The following VEGFC variants were observed in gnomAD, a reference collection of about 807,000 sequenced individuals.
VEGFC encodes FLT4 ligand DHM.
A neutral mutation model predicts 46.1 loss-of-function variants in VEGFC; 12 were observed. The ratio of observed to expected loss-of-function variants is 0.26; its 90% CI spans 0.17 to 0.42. The LOEUF is 0.42. Among genes scored for constraint, VEGFC ranks in the 10% least tolerant of loss-of-function variants. VEGFC has a pLI of 1.00. For synonymous variants in VEGFC, 232 were observed against 195.5 expected (o/e 1.19, Z -1.56); for missense variants, 488 against 529.4 (o/e 0.92, Z 0.77).
intron 1 of VEGFC, among the ~76,000 whole-genome samples, chr4:176,783,968 T>G (rs1232691436): frequency 6.6e-6 from 1 of 152,146 alleles, no homozygotes; most frequent in Admixed American, 6.5e-5. Context: ...TTTGTTTGTT[T>G]TCTGATCATG....
chr4:176,767,677 G>C (rs901035927), intron 1 of VEGFC, among the ~76,000 whole-genome samples: 2 of 152,122 alleles, frequency 1.3e-5, no homozygotes, highest in Non-Finnish European at 2.9e-5. Context: ...ACACTGCCAG[G>C]GCAATGACTA....
intron 4 of VEGFC, among the ~76,000 whole-genome samples, chr4:176,692,767 C>A (rs1432336881): frequency 6.8e-6 from 1 of 147,878 alleles, no homozygotes; most frequent in Non-Finnish European, 1.5e-5. Flanking sequence ...TCCCAGCACG[C>A]AGCTGGAGAT....
At chr4:176,721,517 G>C in intron 3 of VEGFC, among the ~76,000 whole-genome samples, 1 of 152,208 alleles carries the variant, frequency 6.6e-6, no homozygotes. Flanking sequence ...TGTCCAAGAG[G>C]AATGGTCTAG....
intron 3 of VEGFC, among the ~76,000 whole-genome samples, chr4:176,719,716 T>A (rs1366179664): frequency 1.3e-5 from 2 of 152,216 alleles, no homozygotes; most frequent in African/African-American, 4.8e-5. Flanking sequence ...GTACATAATA[T>A]GAAGCGTCAC....
At chr4:176,731,597 T>G (rs1167875747) in intron 1 of VEGFC, among the ~76,000 whole-genome samples, 1 of 151,724 alleles carries the variant, frequency 6.6e-6, no homozygotes, top group African/African-American at 2.4e-5. Context: ...AAAGGAGCAA[T>G]AGGGACCTGT....
intron 1 of VEGFC, among the ~76,000 whole-genome samples, chr4:176,743,576 A>G (rs1735212116): frequency 6.7e-6 from 1 of 150,056 alleles, no homozygotes; most frequent in African/African-American, 2.4e-5. Flanking sequence ...AATATATTAT[A>G]CCGATATATA....
rs1228732573 is a variant in VEGFC, at chr4:176,768,486, TTATACATATA to T, written c.147+23669_147+23678del. Among the ~76,000 whole-genome samples the T allele has an allele frequency of 2.1e-3, 47 of 22,010 alleles. 3 individuals carry two copies. Among genetic ancestry groups the T allele is most frequent in the East Asian group, 7.9e-3 (1 of 126 alleles). The allele number at this position is 22,010 out of a possible 152,430, so 14.4% of individuals were successfully genotyped here. A position where few individuals can be genotyped will look rare whatever the true frequency, so the allele number is the denominator to read the frequency against. ...AAATGCTGCCAAGTAAGAGGATGTT[TTATACATATA>T]TATATATATATATATATTTCAAATT... On this transcript the variant is annotated intron_variant, in intron 1 of 6. Coordinates refer to ENST00000618562, the MANE Select transcript of VEGFC (RefSeq NM_005429.5).
intron 3 of VEGFC, among the ~76,000 whole-genome samples, chr4:176,713,642 G>A (rs905063206): frequency 1.3e-5 from 2 of 152,106 alleles, no homozygotes; most frequent in Non-Finnish European, 1.5e-5. Context: ...CATTTAAGCT[G>A]TAATTGGAGT....
chr4:176,700,342 G>A (rs1579093588), intron 4 of VEGFC, among the ~76,000 whole-genome samples: 2 of 152,124 alleles, frequency 1.3e-5, no homozygotes, highest in East Asian at 1.9e-4. Flanking sequence ...GCTGGAACCC[G>A]GGAGGCAGAG....
intron 1 of VEGFC, among the ~76,000 whole-genome samples, chr4:176,779,447 T>C (rs958220463): frequency 4.6e-5 from 7 of 152,186 alleles, no homozygotes; most frequent in Non-Finnish European, 8.8e-5. Context: ...CAAAATAGTA[T>C]ACTGGAGTAA....
At chr4:176,730,609 C>T (rs1734946681) in intron 1 of VEGFC, among the ~76,000 whole-genome samples, 2 of 152,064 alleles carry the variant, frequency 1.3e-5, no homozygotes, top group East Asian at 3.9e-4. Flanking sequence ...ATACTTTGGA[C>T]ACTGGTTCTC....
chr4:176,743,841 C>T (rs1735218011), intron 1 of VEGFC, among the ~76,000 whole-genome samples: 2 of 151,860 alleles, frequency 1.3e-5, no homozygotes, highest in South Asian at 4.1e-4. Flanking sequence ...CATAATACCT[C>T]AGCAATGTAA....
intron 4 of VEGFC, among the ~76,000 whole-genome samples, chr4:176,699,482 A>C (rs1734386321): frequency 2.0e-5 from 3 of 152,252 alleles, no homozygotes; most frequent in Non-Finnish European, 4.4e-5. Flanking sequence ...TTGTATTATG[A>C]AGAACATAGA....
At chr4:176,728,197 A>G (rs1734904866) in intron 2 of VEGFC, among the ~76,000 whole-genome samples, 2 of 152,334 alleles carry the variant, frequency 1.3e-5, no homozygotes, top group South Asian at 4.1e-4. Context: ...GCTAGGCAAT[A>G]AGAAAAATTA....
intron 4 of VEGFC, among the ~76,000 whole-genome samples, chr4:176,691,923 C>T (rs929028549): frequency 1.2e-4 from 19 of 152,190 alleles, no homozygotes; most frequent in African/African-American, 3.6e-4. Flanking sequence ...AGACAGTGGG[C>T]GCAGGTCAGT....
At chr4:176,734,848 T>C (rs1187978552) in intron 1 of VEGFC, among the ~76,000 whole-genome samples, 2 of 151,880 alleles carry the variant, frequency 1.3e-5, no homozygotes, top group East Asian at 1.9e-4. Context: ...TCTAAGCATG[T>C]AATTTTATAA....
intron 3 of VEGFC, among the ~76,000 whole-genome samples, chr4:176,713,659 C>T (rs1301196731): frequency 3.3e-5 from 5 of 151,884 alleles, no homozygotes; most frequent in African/African-American, 1.2e-4. Flanking sequence ...GAGTCTTGGA[C>T]ATTGATGAGA....
At position 176,756,585 on chromosome 4, in the gene VEGFC, C is replaced by T. The variant is rs557677319; in HGVS notation, c.148-26839G>A. 2.2e-4 allele frequency among the ~76,000 whole-genome samples: 33 copies of T among 151,930 alleles called. 1 individual carries two copies. In the South Asian group the frequency reaches 4.4e-3, roughly 20 times the overall value. On this transcript the variant is annotated intron_variant, in intron 1 of 6. Transcript: ENST00000618562. ...AAGAGCCGTAGCCTTTTGAAAAGAA[C>T]GGGCATGGCATGTGATGGGGATGAA... is the stretch of plus-strand genomic sequence containing the variant.
chr4:176,697,228 C>T (rs1734332268), intron 4 of VEGFC, among the ~76,000 whole-genome samples: 1 of 149,812 alleles, frequency 6.7e-6, no homozygotes, highest in Admixed American at 6.6e-5. Flanking sequence ...TTTTCACAAC[C>T]TACTCATCTG....
Sources: allele counts gnomAD v4.1 joint callset (sites outside exome capture counted in the v4.1 genomes callset), GRCh38; gene constraint gnomAD v4.1.1; transcripts MANE v1.5; gene names NCBI Gene and HGNC (gene_info 2026-07-23, HGNC 2026-07-21).